Variants in TENM1 observed in about 807,000 individuals in gnomAD.
TENM1 encodes the protein teneurin transmembrane protein 1, also known as teneurin-1.
A neutral mutation model predicts 174.8 loss-of-function variants in TENM1; 35 were observed. The ratio of observed to expected loss-of-function variants is 0.20; its 90% CI spans 0.15 to 0.27. TENM1 has a LOEUF of 0.27. TENM1 is among the 10% of genes least tolerant of loss of function. The pLI, the probability that TENM1 is intolerant of heterozygous loss-of-function variation, is 1.00. For missense variants in TENM1, 1,633 were observed against 2,130.1 expected (o/e 0.77, Z 4.59); for synonymous variants, 781 against 798.7 (o/e 0.98, Z 0.37).
intron 11 of TENM1, among the ~76,000 whole-genome samples, chrX:124,622,497 C>T (rs1409319028): frequency 8.9e-6 from 1 of 112,128 alleles, no homozygotes; most frequent in Admixed American, 9.5e-5. Flanking sequence ...AAACTGTGTG[C>T]GCGATTCAGT....
intron 20 of TENM1, among the ~76,000 whole-genome samples, chrX:124,496,497 A>G (rs2047205294): frequency 8.9e-6 from 1 of 112,104 alleles, no homozygotes; most frequent in Non-Finnish European, 1.9e-5. Flanking sequence ...AAATGCTTTA[A>G]TTATCATGGG....
chrX:124,642,078 C>T, intron 10 of TENM1, 87 bp from the exon 14 acceptor site: 1 of 663,886 alleles, frequency 1.5e-6, no homozygotes, highest in Non-Finnish European at 2.4e-6. Context: ...ACGGAGATTA[C>T]ATTGATTTCC....
At chrX:125,076,862 C>T in the TENM1 span, among the ~76,000 whole-genome samples, 1 of 111,049 alleles carries the variant, frequency 9.0e-6, no homozygotes, top group East Asian at 2.8e-4. Flanking sequence ...ACTTGAGATG[C>T]CTTTGTTATC....
At chrX:124,993,904 C>A in the TENM1 span, among the ~76,000 whole-genome samples, 7 of 111,005 alleles carry the variant, frequency 6.3e-5, no homozygotes, top group Non-Finnish European at 7.6e-5. Flanking sequence ...ATACTTGATG[C>A]CTCAAGACAG....
At chrX:124,707,837 C>G (rs1335528547) in intron 4 of TENM1, among the ~76,000 whole-genome samples, 4 of 111,998 alleles carry the variant, frequency 3.6e-5, no homozygotes, top group Non-Finnish European at 7.5e-5. Flanking sequence ...TCCATACTTC[C>G]ACTATTTTCC....
intron 4 of TENM1, among the ~76,000 whole-genome samples, chrX:124,719,713 A>C (rs764838083): frequency 8.9e-6 from 1 of 111,861 alleles, no homozygotes; most frequent in African/African-American, 3.3e-5. Flanking sequence ...CAGAGAGATA[A>C]ACAAGGTAAG....
chrX:125,006,309 C>T, the TENM1 span, among the ~76,000 whole-genome samples: 2 of 111,876 alleles, frequency 1.8e-5, no homozygotes, highest in Non-Finnish European at 3.8e-5. Flanking sequence ...CAGACTGCTT[C>T]TCTAGATTCC....
chrX:124,471,220 A>AT (rs2061303145), intron 22 of TENM1, among the ~76,000 whole-genome samples: 1 of 61,335 alleles, frequency 1.6e-5, no homozygotes, highest in Admixed American at 2.8e-4. Context: ...TATATATTAT[A>AT]ATATATAGTA....
At chrX:124,717,062 C>T (rs1219101881) in intron 4 of TENM1, among the ~76,000 whole-genome samples, 1 of 109,838 alleles carries the variant, frequency 9.1e-6, no homozygotes, top group Non-Finnish European at 1.9e-5. Flanking sequence ...CTGAAACTTG[C>T]CTCAGTCTCT....
the TENM1 span, among the ~76,000 whole-genome samples, chrX:125,180,878 A>G: frequency 2.7e-5 from 3 of 111,398 alleles, no homozygotes; most frequent in Non-Finnish European, 3.8e-5. Flanking sequence ...ACATATTCTC[A>G]TCCCTACCAT....
chrX:124,908,657 T>TA (rs2057787683), intron 1 of TENM1, among the ~76,000 whole-genome samples: 2 of 111,105 alleles, frequency 1.8e-5, no homozygotes, highest in East Asian at 2.8e-4. Context: ...TCTCAGAACT[T>TA]AAAGTAAATT....
intron 3 of TENM1, among the ~76,000 whole-genome samples, chrX:124,854,579 C>A (rs1306222288): frequency 1.8e-5 from 2 of 111,498 alleles, no homozygotes; most frequent in African/African-American, 6.5e-5. Flanking sequence ...CAGTCCAAAC[C>A]AAAAATAAGG....
At chrX:125,015,526 T>C in the TENM1 span, among the ~76,000 whole-genome samples, 1 of 111,888 alleles carries the variant, frequency 8.9e-6, no homozygotes, top group Non-Finnish European at 1.9e-5. Flanking sequence ...CAACCTATGG[T>C]AGTGACAGCA....
chrX:125,107,838 C>T, the TENM1 span, among the ~76,000 whole-genome samples: 2 of 111,703 alleles, frequency 1.8e-5, no homozygotes, highest in Non-Finnish European at 3.8e-5. Flanking sequence ...AGTACTCCAT[C>T]CCTGATGCTC....
At chrX:125,001,852 T>TAGATACAC in the TENM1 span, among the ~76,000 whole-genome samples, 8,665 of 84,863 alleles carry the variant, frequency 0.1, 435 homozygotes, top group South Asian at 0.2. Flanking sequence ...TATAGATAGA[T>TAGATACAC]ACACACACAC....
intron 1 of TENM1, among the ~76,000 whole-genome samples, chrX:124,923,368 T>C (rs1328910004): frequency 1.8e-5 from 2 of 111,962 alleles, no homozygotes; most frequent in Non-Finnish European, 3.8e-5. Context: ...TGTTTAATGT[T>C]TGTCACTTAT....
intron 20 of TENM1, among the ~76,000 whole-genome samples, chrX:124,488,583 C>A (rs181729407): frequency 3.6e-5 from 4 of 112,024 alleles, no homozygotes; most frequent in Non-Finnish European, 7.5e-5. Flanking sequence ...GAAACCTGGC[C>A]GCAGGCATTT....
chrX:125,001,319 G>C, the TENM1 span, among the ~76,000 whole-genome samples: 2 of 110,960 alleles, frequency 1.8e-5, no homozygotes, highest in African/African-American at 6.5e-5. Context: ...GCCTCCACTT[G>C]GTTGACTGAG....
intron 1 of TENM1, among the ~76,000 whole-genome samples, chrX:124,939,644 C>T (rs2058296685): frequency 1.8e-5 from 2 of 111,580 alleles, no homozygotes; most frequent in Admixed American, 1.9e-4. Flanking sequence ...CTTCTCCCAC[C>T]TCATCTCACA....
Sources: gnomAD v4.1 joint callset for allele counts (sites outside exome capture counted in the v4.1 genomes callset) on GRCh38, gnomAD v4.1.1 for gene constraint, MANE v1.5 for transcripts, NCBI Gene and HGNC (gene_info 2026-07-23, HGNC 2026-07-21) for gene names.